SYNDIG1L: variants seen among roughly 807,000 people sequenced by gnomAD.
SYNDIG1L encodes synapse differentiation inducing 1 like, also known as synapse differentiation-inducing gene protein 1-like.
A neutral mutation model predicts 20.1 loss-of-function variants in SYNDIG1L; 13 were observed. That is an observed-to-expected ratio of 0.65 (90% CI 0.42 to 1.03). The LOEUF (loss-of-function observed/expected upper bound fraction) is 1.03, where lower values mean the gene tolerates loss of function less well. SYNDIG1L is among the 50% of genes least tolerant of loss of function. SYNDIG1L has a pLI of 0.00. For missense variants in SYNDIG1L, 294 were observed against 305.1 expected (o/e 0.96, Z 0.27); for synonymous variants, 128 against 129.3 (o/e 0.99, Z 0.07).
chr14:74,409,523 C>T lies in SYNDIG1L; in HGVS notation c.222G>A (p.Leu74=). 6.3e-7 allele frequency: 1 copy of T among 1,596,838 alleles called. No homozygotes were observed. Among genetic ancestry groups the T allele is most frequent in the African/African-American group, 1.3e-5 (1 of 74,330 alleles). The stretch of plus-strand genomic sequence containing the variant: ...TGGGCTCCTTGACCTTGTCTCTCCC[C>T]AGGAGGCAGCTGGGCCGGTACCAGG... ...VEAWYRPSCL[L]GRDKVKEPRA... is the part of the protein sequence containing the mutation. The change falls in exon 2 of 4, where the codon CTG becomes CTA. Residue 74 remains leucine, a synonymous_variant. Coordinates refer to ENST00000331628, the MANE Select transcript of SYNDIG1L (RefSeq NM_001105579.2).
chr14:74,408,361 C>T (rs1399654896), intron 2 of SYNDIG1L, among the ~76,000 whole-genome samples: 1 of 151,976 alleles, frequency 6.6e-6, no homozygotes, highest in Non-Finnish European at 1.5e-5. Context: ...GTCAGGAGTT[C>T]GAGGCCAGCC....
chr14:74,412,310 A>T (rs1405117664), intron 1 of SYNDIG1L, among the ~76,000 whole-genome samples: 1 of 152,154 alleles, frequency 6.6e-6, no homozygotes, highest in Non-Finnish European at 1.5e-5. Context: ...AGCCCCTGCC[A>T]TGGTCTCCCT....
chr14:74,444,312 G>A, the SYNDIG1L span, among the ~76,000 whole-genome samples: 65 of 151,722 alleles, frequency 4.3e-4, no homozygotes, highest in African/African-American at 1.5e-3. Context: ...TGCCCACCTC[G>A]GCCTCCCAAA....
the SYNDIG1L span, among the ~76,000 whole-genome samples, chr14:74,468,901 C>T: frequency 6.6e-6 from 1 of 152,198 alleles, no homozygotes; most frequent in African/African-American, 2.4e-5. Context: ...TCCAGGAACC[C>T]TTCCCCAAAT....
chr14:74,433,074 C>G, the SYNDIG1L span, among the ~76,000 whole-genome samples: 2 of 152,262 alleles, frequency 1.3e-5, no homozygotes, highest in South Asian at 4.1e-4. Context: ...TACACTGTTT[C>G]ATTTCATCTT....
the SYNDIG1L span, among the ~76,000 whole-genome samples, chr14:74,475,565 ATC>A: frequency 4.6e-5 from 7 of 151,110 alleles, no homozygotes; most frequent in Admixed American, 6.6e-5. Flanking sequence ...TTCTAGTGGC[ATC>A]TCTCTCTCTC....
the SYNDIG1L span, among the ~76,000 whole-genome samples, chr14:74,471,658 TAA>T: frequency 6.6e-6 from 1 of 151,752 alleles, no homozygotes; most frequent in African/African-American, 2.4e-5. Flanking sequence ...CAGACCGAAC[TAA>T]GAGTGAGTTG....
the SYNDIG1L span, chr14:74,474,434 G>A: frequency 6.6e-6 from 1 of 152,296 alleles, no homozygotes; most frequent in South Asian, 2.1e-4. Context: ...AGGAACTTCA[G>A]AGATTCAGTG....
chr14:74,440,755 A>AT, the SYNDIG1L span, among the ~76,000 whole-genome samples: 73 of 151,396 alleles, frequency 4.8e-4, no homozygotes, highest in African/African-American at 3.6e-4. Flanking sequence ...TTATTACACT[A>AT]TTTTTTTTTA....
the SYNDIG1L span, among the ~76,000 whole-genome samples, chr14:74,449,438 C>CAAAAAAAAAAAAAAA: frequency 1.4e-3 from 46 of 34,016 alleles, 10 homozygotes; most frequent in Admixed American, 2.6e-3. Flanking sequence ...CCTGTCTTTA[C>CAAAAAAAAAAAAAAA]AAAAAAAAAA....
intron 1 of SYNDIG1L, among the ~76,000 whole-genome samples, chr14:74,415,261 G>A (rs758938868): frequency 1.3e-5 from 2 of 152,312 alleles, no homozygotes; most frequent in Non-Finnish European, 2.9e-5. Context: ...ACACAGCCCA[G>A]CTGCCCGCCA....
chr14:74,472,733 T>C, the SYNDIG1L span, among the ~76,000 whole-genome samples: 1 of 151,898 alleles, frequency 6.6e-6, no homozygotes, highest in African/African-American at 2.4e-5. Flanking sequence ...GAAATGAGGA[T>C]GAGTAGGAGT....
the SYNDIG1L span, among the ~76,000 whole-genome samples, chr14:74,472,772 G>T: frequency 6.6e-6 from 1 of 152,168 alleles, no homozygotes; most frequent in African/African-American, 2.4e-5. Flanking sequence ...TTGTGGGGCA[G>T]CATTTCAGGC....
chr14:74,411,373 G>A (rs891801801), intron 1 of SYNDIG1L, among the ~76,000 whole-genome samples: 12 of 152,134 alleles, frequency 7.9e-5, no homozygotes, highest in Admixed American at 7.9e-4. Context: ...AGACTTTGGC[G>A]TCACCCACTT....
the SYNDIG1L span, among the ~76,000 whole-genome samples, chr14:74,458,588 C>G: frequency 5.4e-5 from 8 of 147,356 alleles, no homozygotes; most frequent in Admixed American, 5.4e-4. Flanking sequence ...CACCATTGCA[C>G]TCCAGCCCAG....
chr14:74,475,295 T>G, the SYNDIG1L span, among the ~76,000 whole-genome samples: 2 of 151,140 alleles, frequency 1.3e-5, no homozygotes, highest in South Asian at 2.1e-4. Flanking sequence ...GCATCCCCCA[T>G]CTCATGTCAT....
chr14:74,418,588 G>A (rs1006222576), intron 1 of SYNDIG1L, among the ~76,000 whole-genome samples: 1 of 152,184 alleles, frequency 6.6e-6, no homozygotes, highest in Non-Finnish European at 1.5e-5. Context: ...GGGTGGGCTT[G>A]CAACTGCTTC....
chr14:74,439,612 G>A, the SYNDIG1L span, among the ~76,000 whole-genome samples: 1 of 152,162 alleles, frequency 6.6e-6, no homozygotes, highest in Non-Finnish European at 1.5e-5. Context: ...CAGGCGCAGT[G>A]GCTCATGCCT....
the SYNDIG1L span, among the ~76,000 whole-genome samples, chr14:74,449,438 CAAAAAAA>C: frequency 8.8e-4 from 30 of 34,012 alleles, no homozygotes; most frequent in East Asian, 7.6e-3. Flanking sequence ...CCTGTCTTTA[CAAAAAAA>C]AAAAAAAAAA....
Sources: gnomAD v4.1 joint callset for allele counts (sites outside exome capture counted in the v4.1 genomes callset) on GRCh38, gnomAD v4.1.1 for gene constraint, MANE v1.5 for transcripts, NCBI Gene and HGNC (gene_info 2026-07-23, HGNC 2026-07-21) for gene names.